Variants in ADAMTSL1 observed in about 807,000 individuals in gnomAD.
ADAMTSL1 encodes the protein ADAMTS-like protein 1.
ADAMTSL1 carries 126 observed loss-of-function variants against 201.8 expected under a neutral mutation model. That is an observed-to-expected ratio of 0.62 (90% CI 0.54 to 0.72). The LOEUF (loss-of-function observed/expected upper bound fraction) is 0.72. Ranked by LOEUF, ADAMTSL1 falls within the 30% of genes least tolerant of loss-of-function variation. The pLI is 0.00. For synonymous variants in ADAMTSL1, 1,121 were observed against 903.4 expected (o/e 1.24, Z -4.32); for missense variants, 2,679 against 2,277.8 (o/e 1.18, Z -3.59).
At chr9:18,627,270 C>T (rs150689818) in intron 5 of ADAMTSL1, among the ~76,000 whole-genome samples, 203 of 152,306 alleles carry the variant, frequency 1.3e-3, no homozygotes, top group Non-Finnish European at 1.7e-3. Context: ...GTGTGAGCCA[C>T]GGCACCTGGC....
chr9:18,825,485 A>C (rs562839265), intron 21 of ADAMTSL1, among the ~76,000 whole-genome samples: 1 of 152,330 alleles, frequency 6.6e-6, no homozygotes, highest in South Asian at 2.1e-4. Flanking sequence ...AAATACAAGC[A>C]AGTTTTCTAC....
chr9:18,036,246 G>A (rs1026389669), intron 1 of ADAMTSL1, among the ~76,000 whole-genome samples: 3 of 152,168 alleles, frequency 2.0e-5, no homozygotes, highest in Admixed American at 6.5e-5. Flanking sequence ...AGGCAGGCTG[G>A]CCCTGCAAAA....
chr9:18,853,762 T>G (rs1445329821), intron 23 of ADAMTSL1, among the ~76,000 whole-genome samples: 3 of 152,182 alleles, frequency 2.0e-5, no homozygotes, highest in African/African-American at 7.2e-5. Flanking sequence ...TATCACTGTC[T>G]TAATTTTCTC....
chr9:18,521,684 C>T (rs1415467050), intron 2 of ADAMTSL1, among the ~76,000 whole-genome samples: 1 of 151,882 alleles, frequency 6.6e-6, no homozygotes, highest in East Asian at 1.9e-4. Flanking sequence ...TGGGAGCAAG[C>T]CCCCTCAAAA....
At chr9:18,406,856 G>A (rs1453417862) in intron 2 of ADAMTSL1, among the ~76,000 whole-genome samples, 1 of 152,128 alleles carries the variant, frequency 6.6e-6, no homozygotes, top group Admixed American at 6.5e-5. Flanking sequence ...GTGTGCTTGT[G>A]GGAAAGTTTT....
In ADAMTSL1 at chr9:18,889,626, G is replaced by C. The variant is rs36057514; in HGVS notation, c.4521G>C (p.Gly1507=). ...ATCSASCGNR[G]VQQPRLRCLL... ...GCTCAGCCTCCTGTGGTAACCGGGGGGTTCAGCAGCCCCGCTTGAGGTGCC... is the reference window on the plus strand; with the variant it reads ...GCTCAGCCTCCTGTGGTAACCGGGGCGTTCAGCAGCCCCGCTTGAGGTGCC... Residue 1507 remains glycine, a synonymous_variant, in exon 25 of 29, where the codon GGG becomes GGC. Coordinates refer to ENST00000380548, the MANE Select transcript of ADAMTSL1 (RefSeq NM_001040272.6). 6.2e-7 allele frequency: 1 copy of C among 1,613,512 alleles called. No individual in the cohort carries two copies. Among genetic ancestry groups the C allele is most frequent in the East Asian group, 2.2e-5 (1 of 44,830 alleles).
In ADAMTSL1 at chr9:18,151,071, A is replaced by T. The variant is rs1826887471; in HGVS notation, c.88-12791A>T. On this transcript the variant is annotated intron_variant, in intron 1 of 29. Transcript: ENST00000680146. ...TCAACTCAGATTCTTGATTCTGGAA[A>T]ATGTGTTATGGTGGCTTCTGTGTTA... Among the ~76,000 whole-genome samples the T allele has an allele frequency of 2.0e-5, 3 of 151,914 alleles. No individual in the cohort carries two copies. The South Asian group carries it at 6.2e-4, about 31-fold the overall frequency.
chr9:18,101,168 T>A (rs1214606537), intron 1 of ADAMTSL1, among the ~76,000 whole-genome samples: 1 of 152,096 alleles, frequency 6.6e-6, no homozygotes, highest in Non-Finnish European at 1.5e-5. Context: ...GAAAGTAGAT[T>A]CTAATTTAAA....
At chr9:18,600,901 T>C (rs754878174) in intron 4 of ADAMTSL1, among the ~76,000 whole-genome samples, 1 of 152,210 alleles carries the variant, frequency 6.6e-6, no homozygotes, top group Non-Finnish European at 1.5e-5. Context: ...ATTTACGTTA[T>C]TTTTCTTTCT....
chr9:18,128,734 C>A (rs959097604), intron 1 of ADAMTSL1, among the ~76,000 whole-genome samples: 2 of 152,192 alleles, frequency 1.3e-5, no homozygotes, highest in East Asian at 1.9e-4. Flanking sequence ...CTCTCTCCCC[C>A]CTTTTTTTCA....
At chr9:18,063,375 T>C (rs192318139) in intron 1 of ADAMTSL1, among the ~76,000 whole-genome samples, 27 of 152,324 alleles carry the variant, frequency 1.8e-4, no homozygotes, top group Non-Finnish European at 2.9e-5. Context: ...GGTTCATGTG[T>C]ATAGCCTTCT....
chr9:17,924,024 T>A (rs1346953923), intron 1 of ADAMTSL1, among the ~76,000 whole-genome samples: 1 of 136,792 alleles, frequency 7.3e-6, no homozygotes, highest in African/African-American at 2.7e-5. Flanking sequence ...GGATTCGGTT[T>A]GCCAGTATTT....
chr9:18,849,870 A>C (rs1177665968), intron 23 of ADAMTSL1, among the ~76,000 whole-genome samples: 1 of 152,242 alleles, frequency 6.6e-6, no homozygotes, highest in Non-Finnish European at 1.5e-5. Flanking sequence ...AATAAAATCC[A>C]AAGTGGAGTA....
chr9:17,946,943 T>A (rs1394550177), intron 1 of ADAMTSL1, among the ~76,000 whole-genome samples: 1 of 152,052 alleles, frequency 6.6e-6, no homozygotes, highest in Non-Finnish European at 1.5e-5. Context: ...CAAAAACAGA[T>A]CAATACCATT....
chr9:18,618,256 T>G (rs550686511), intron 4 of ADAMTSL1, among the ~76,000 whole-genome samples: 2 of 152,206 alleles, frequency 1.3e-5, no homozygotes, highest in African/African-American at 4.8e-5. Flanking sequence ...CCTACACACA[T>G]GCATGCACAC....
At chr9:18,428,446 A>AAAAAAG (rs1554677405) in intron 2 of ADAMTSL1, among the ~76,000 whole-genome samples, 2 of 150,930 alleles carry the variant, frequency 1.3e-5, no homozygotes, top group Admixed American at 1.3e-4. Flanking sequence ...AAAAAAAAAA[A>AAAAAAG]AAAAGAAAAG....
At chr9:18,125,896 G>A (rs553301795) in intron 1 of ADAMTSL1, among the ~76,000 whole-genome samples, 1 of 152,172 alleles carries the variant, frequency 6.6e-6, no homozygotes, top group Admixed American at 6.5e-5. Flanking sequence ...GAAAGGGCAG[G>A]GGCTCTGGAA....
intron 10 of ADAMTSL1, among the ~76,000 whole-genome samples, chr9:18,677,845 T>C (rs1830214799): frequency 6.6e-6 from 1 of 151,926 alleles, no homozygotes; most frequent in South Asian, 2.1e-4. Flanking sequence ...GATACTGAAC[T>C]AGTTATAAAG....
At chr9:18,332,740 T>G (rs1265451725) in intron 2 of ADAMTSL1, among the ~76,000 whole-genome samples, 1 of 152,236 alleles carries the variant, frequency 6.6e-6, no homozygotes, top group Non-Finnish European at 1.5e-5. Flanking sequence ...CCTATATAGT[T>G]ATTTCCCTAG....
Sources: gnomAD v4.1 joint callset for allele counts (sites outside exome capture counted in the v4.1 genomes callset) on GRCh38, gnomAD v4.1.1 for gene constraint, MANE v1.5 for transcripts, NCBI Gene and HGNC (gene_info 2026-07-23, HGNC 2026-07-21) for gene names.